LCN1: variants seen among roughly 807,000 people sequenced by gnomAD.
The protein encoded by LCN1 is lipocalin-1.
Under a neutral mutation model 22.3 loss-of-function variants are expected in LCN1, and 25 were observed. The observed-to-expected ratio is 1.12, with a 90% CI of 0.82 to 1.56. LCN1 has a LOEUF of 1.56. Ranked by LOEUF, LCN1 falls within the 40% of genes most tolerant of loss-of-function variation. LCN1 has a pLI of 0.00. For synonymous variants in LCN1, 85 were observed against 97.6 expected (o/e 0.87, Z 0.76); for missense variants, 219 against 235.6 (o/e 0.93, Z 0.46).
chr9:135,524,872 A>G lies in LCN1; in HGVS notation c.446A>G (p.Glu149Gly), dbSNP rs1362167025. 2 of 1,608,376 alleles carry G rather than the reference A, an allele frequency of 1.2e-6. No individual in the cohort carries two copies. Among genetic ancestry groups the G allele is most frequent in the Non-Finnish European group, 1.7e-6 (2 of 1,177,468 alleles). Residue 149 changes from glutamate to glycine, a missense_variant, in exon 5 of 7, where the codon GAG (glutamate) becomes GGG (glycine). Glu to Gly is a moderately conservative substitution (Grantham distance 98). Transcript: ENST00000371781. ...KNNLEALEDFEKAAGARGLST... is the reference protein window; with the variant it reads ...KNNLEALEDFGKAAGARGLST... ...AACCTGGAAGCCTTGGAGGACTTTG[A>G]GAAAGCCGCAGGAGCCCGCGGACTC...
At chr9:135,521,714 G>A in intron 1 of LCN1, 127 bp downstream of exon 1, 14 of 845,756 alleles carry the variant, frequency 1.7e-5, no homozygotes, top group Non-Finnish European at 2.6e-5. Flanking sequence ...GCCCTGCCCT[G>A]AGGGAATGGT....
In LCN1 at chr9:135,525,151, C is replaced by G; in HGVS notation, c.525C>G (p.Ser175Arg). The change falls in exon 6 of 7, where the codon AGC (serine) becomes AGG (arginine). Residue 175 changes from serine to arginine, a missense_variant. By Grantham distance (110) the Ser-to-Arg change is moderately radical. Transcript: ENST00000371781. ...PRQSETCSPG[S>R]D ...CTGCAGAAACCTGCTCTCCAGGGAG[C>G]GATTAGGGTGAGTGAACAGCTTTAG... The G allele has an allele frequency of 6.2e-7, 1 of 1,613,500 alleles. No homozygotes were observed. The highest frequency in any genetic ancestry group is 8.5e-7 in the Non-Finnish European group (1 of 1,179,672).
rs1325833218 is a variant in LCN1 at position 135,523,886 on chromosome 9, G to A, written c.299G>A (p.Gly100Asp). ...DEPGKYTADG[G>D]KHVAYIIRSH... Reference sequence around the variant, plus strand: ...TGCTGCTGTCTTTCTGCAGACGGGGGCAAGCACGTGGCATACATCATCAGG... The same window carrying A: ...TGCTGCTGTCTTTCTGCAGACGGGGACAAGCACGTGGCATACATCATCAGG... Residue 100 changes from glycine to aspartate, a missense_variant, in exon 4 of 7, where the codon GGC (glycine) becomes GAC (aspartate). Coordinates refer to ENST00000371781, the MANE Select transcript of LCN1 (RefSeq NM_002297.4). 1.2e-6 allele frequency: 2 copies of A among 1,613,922 alleles called. No individual in the cohort carries two copies. The highest frequency in any genetic ancestry group is 4.5e-5 in the East Asian group (2 of 44,886).
chr9:135,522,794 T>C (rs1831531731), intron 2 of LCN1, among the ~76,000 whole-genome samples: 1 of 152,180 alleles, frequency 6.6e-6, no homozygotes, highest in Non-Finnish European at 1.5e-5. Context: ...ACCCCGATTT[T>C]TTTTTCCCCC....
intron 6 of LCN1, among the ~76,000 whole-genome samples, chr9:135,525,403 G>A (rs1411036067): frequency 1.3e-5 from 2 of 152,140 alleles, no homozygotes; most frequent in Non-Finnish European, 2.9e-5. Flanking sequence ...GCCTTTGCTG[G>A]CTGCTGGTGG....
At chr9:135,525,984 C>T (rs13284515) in intron 6 of LCN1, among the ~76,000 whole-genome samples, 13,562 of 135,998 alleles carry the variant, frequency 0.1, 914 homozygotes, top group Middle Eastern at 0.14. Context: ...TCCACCGTAA[C>T]CCTCAAGAGC....
intron 4 of LCN1, among the ~76,000 whole-genome samples, chr9:135,524,468 G>T (rs779547556): frequency 6.6e-6 from 1 of 152,202 alleles, no homozygotes; most frequent in South Asian, 2.1e-4. Flanking sequence ...GCCCATGAAG[G>T]CTCCTGAGTT....
chr9:135,521,622 G>T, intron 1 of LCN1, 35 bp downstream of exon 1: 1 of 1,444,924 alleles, frequency 6.9e-7, no homozygotes, highest in Non-Finnish European at 9.5e-7. Context: ...GCTGGAGGGG[G>T]CAAGGGGCGA....
Position 135,523,182 on chromosome 9 carries a change from G to A in LCN1, c.222-50G>A, listed in dbSNP as rs372311702. On this transcript the variant is annotated intron_variant, in intron 2 of 6. Coordinates refer to ENST00000371781, the MANE Select transcript of LCN1 (RefSeq NM_002297.4). ...ATTGCAGCATGGTTGCTCCAGGGCC[G>A]GGGGAGGCACAGGCCAGGGCCGCTT... is the stretch of plus-strand genomic sequence containing the variant. 153 of 1,548,638 alleles carry A rather than the reference G, an allele frequency of 9.9e-5. 2 individuals are homozygous for A. The highest frequency in any genetic ancestry group is 8.3e-4 in the African/African-American group (61 of 73,538).
At chr9:135,523,558 G>A (rs1193748640) in intron 3 of LCN1, among the ~76,000 whole-genome samples, 1 of 152,220 alleles carries the variant, frequency 6.6e-6, no homozygotes, top group Non-Finnish European at 1.5e-5. Context: ...CTGTGGCTCT[G>A]GCAGGGCCAG....
chr9:135,525,350 G>T (rs1431525388), intron 6 of LCN1, among the ~76,000 whole-genome samples, 192 bp downstream of exon 6: 1 of 152,124 alleles, frequency 6.6e-6, no homozygotes, highest in East Asian at 1.9e-4. Context: ...TCTTGCCCTG[G>T]GTGTGACTCC....
intron 3 of LCN1, 40 bp downstream of exon 3, chr9:135,523,342 C>T (rs1374381338): frequency 7.0e-6 from 11 of 1,582,194 alleles, no homozygotes; most frequent in Non-Finnish European, 9.5e-6. Flanking sequence ...AGCTTGAACA[C>T]ACGCTGGATG....
chr9:135,524,340 A>G (rs1312941474), intron 4 of LCN1, among the ~76,000 whole-genome samples: 2 of 152,120 alleles, frequency 1.3e-5, no homozygotes, highest in Admixed American at 1.3e-4. Context: ...GGAGAGAGGA[A>G]CAGGGATGTG....
At chr9:135,525,544 TG>T (rs1473080848) in intron 6 of LCN1, among the ~76,000 whole-genome samples, 2 of 152,110 alleles carry the variant, frequency 1.3e-5, no homozygotes, top group Non-Finnish European at 2.9e-5. Context: ...TTCAGCAAAG[TG>T]GCAGGCGTGC....
Position 135,526,324 on chromosome 9 carries a change from C to A in LCN1, c.*2-20C>A. ...CCACCCTTGCTGTCCTGGCCTCACT[C>A]ACCCTCCCCCCCTTTCCAGGGCAGG... On this transcript the variant is annotated intron_variant, in intron 6 of 6. Coordinates refer to ENST00000371781, the MANE Select transcript of LCN1 (RefSeq NM_002297.4). 1.6e-6 allele frequency: 2 copies of A among 1,222,544 alleles called. No individual in the cohort carries two copies. The highest frequency in any genetic ancestry group is 1.1e-6 in the Non-Finnish European group (1 of 950,300). 75.7% of individuals were successfully genotyped at this position (1,222,544 alleles called of 1,614,324 possible). A position where few individuals can be genotyped will look rare whatever the true frequency, so the allele number is the denominator to read the frequency against.
intron 6 of LCN1, among the ~76,000 whole-genome samples, 165 bp downstream of exon 6, chr9:135,525,323 C>G (rs938954709): frequency 1.3e-5 from 2 of 152,124 alleles, no homozygotes; most frequent in Non-Finnish European, 2.9e-5. Flanking sequence ...TGCCCACGCT[C>G]GGGCGTCAGA....
At chr9:135,521,612 G>A in intron 1 of LCN1, 25 bp downstream of exon 1, 2 of 1,573,240 alleles carry the variant, frequency 1.3e-6, no homozygotes, top group South Asian at 1.1e-5. Context: ...GGAAGGCTGG[G>A]CTGGAGGGGG....
intron 1 of LCN1, 35 bp downstream of exon 1, chr9:135,521,622 G>A (rs757094899): frequency 4.2e-6 from 6 of 1,444,916 alleles, no homozygotes; most frequent in Non-Finnish European, 4.8e-6. Context: ...GCTGGAGGGG[G>A]CAAGGGGCGA....
intron 2 of LCN1, among the ~76,000 whole-genome samples, chr9:135,522,434 T>C (rs574273699): frequency 6.6e-6 from 1 of 152,334 alleles, no homozygotes; most frequent in African/African-American, 2.4e-5. Flanking sequence ...CTCCTCCGAC[T>C]AGGGAATGTC....
Sources: allele counts gnomAD v4.1 joint callset (sites outside exome capture counted in the v4.1 genomes callset), GRCh38; gene constraint gnomAD v4.1.1; transcripts MANE v1.5; gene names NCBI Gene and HGNC (gene_info 2026-07-23, HGNC 2026-07-21).